UBN1: variants seen among roughly 807,000 people sequenced by gnomAD.
The protein encoded by UBN1 is ubinuclein 1.
A neutral mutation model predicts 108.5 loss-of-function variants in UBN1; 17 were observed. The observed-to-expected ratio is 0.16, with a 90% CI of 0.11 to 0.24. UBN1 has a LOEUF of 0.24. Ranked by LOEUF, UBN1 falls within the 10% of genes least tolerant of loss-of-function variation. The pLI is 1.00. For synonymous variants in UBN1, 726 were observed against 564.2 expected (o/e 1.29, Z -4.07); for missense variants, 1,595 against 1,394.4 (o/e 1.14, Z -2.29).
At chr16:4,866,662 A>T (rs536171371) in intron 7 of UBN1, among the ~76,000 whole-genome samples, 23 of 152,312 alleles carry the variant, frequency 1.5e-4, no homozygotes, top group African/African-American at 5.3e-4. Context: ...ACAGGCATGC[A>T]CCACCATGCC....
At position 4,870,308 on chromosome 16, in the gene UBN1, C is replaced by T. The variant is rs1303778040; in HGVS notation, c.1278C>T (p.Leu426=). ...SFLPCSKDAL[L]KRARKLHLYE... is the part of the protein sequence containing the mutation. The stretch of plus-strand genomic sequence containing the variant: ...TGCCCTGCAGCAAGGATGCCCTGCT[C>T]AAGCGTGCTCGGAAACTTCACCTCT... The change falls in exon 9 of 18, where the codon CTC becomes CTT. Residue 426 remains leucine (L), a synonymous_variant. Coordinates refer to ENST00000262376, the MANE Select transcript of UBN1 (RefSeq NM_001079514.3). 1.2e-6 allele frequency: 2 copies of T among 1,614,092 alleles called. No individual in the cohort carries two copies. Among genetic ancestry groups the T allele is most frequent in the East Asian group, 2.2e-5 (1 of 44,894 alleles).
At chr16:4,852,624 T>C (rs2086611641) in intron 1 of UBN1, 1 of 239,864 alleles carries the variant, frequency 4.2e-6, no homozygotes, top group African/African-American at 2.3e-5. Flanking sequence ...TCTGTCAGCA[T>C]GGGTTCTTTA....
intron 7 of UBN1, among the ~76,000 whole-genome samples, chr16:4,862,262 T>A (rs1367072431): frequency 6.6e-6 from 1 of 152,240 alleles, no homozygotes; most frequent in Non-Finnish European, 1.5e-5. Flanking sequence ...AATTGTCAGC[T>A]ACTGCTAAAA....
chr16:4,870,404 T>C, intron 9 of UBN1, 63 bp downstream of exon 9: 3 of 1,610,524 alleles, frequency 1.9e-6, no homozygotes, highest in Non-Finnish European at 8.5e-7. Flanking sequence ...GACTGAGTCT[T>C]AAGCAATGAT....
chr16:4,854,744 A>G (rs57908014), intron 2 of UBN1, among the ~76,000 whole-genome samples: 2,595 of 148,464 alleles, frequency 0.017, 66 homozygotes, highest in African/African-American at 0.06. Context: ...TTTTTTTGAG[A>G]CAGAGTCTCG....
chr16:4,874,187 A>G, intron 14 of UBN1, 24 bp from the exon 15 acceptor site: 2 of 1,524,824 alleles, frequency 1.3e-6, no homozygotes, highest in Non-Finnish European at 1.8e-6. Context: ...CTTTCTAAAC[A>G]TCAACATTTC....
chr16:4,868,733 A>G lies in UBN1; in HGVS notation c.1111-100A>G, dbSNP rs146131048. On this transcript the variant is annotated intron_variant, in intron 7 of 17. Transcript: ENST00000262376. ...AAGGTGGCGGTGTGACTGTATTGACAGGTGCTCTTTATGGAGCGATGACTC... is the reference window on the plus strand; with the variant it reads ...AAGGTGGCGGTGTGACTGTATTGACGGGTGCTCTTTATGGAGCGATGACTC... 713 of 1,149,626 alleles carry G rather than the reference A, an allele frequency of 6.2e-4. 3 individuals carry two copies. The African/African-American group carries it at 9.0e-3, about 14-fold the overall frequency. 71.2% of individuals were successfully genotyped at this position (1,149,626 alleles called of 1,614,324 possible).
chr16:4,865,222 C>G lies in UBN1; in HGVS notation c.1111-3611C>G, dbSNP rs768336923. The stretch of plus-strand genomic sequence containing the variant: ...TAGATTTACTTTAAAATGCCGCAGT[C>G]GACTCTTCAGTATAAAGCCAGACCC... On this transcript the variant is annotated intron_variant, in intron 7 of 17. Coordinates refer to ENST00000262376, the MANE Select transcript of UBN1 (RefSeq NM_001079514.3). Among the ~76,000 whole-genome samples the G allele has an allele frequency of 6.6e-5, 10 of 152,214 alleles. No homozygotes were observed. The Middle Eastern group carries it at 0.02, about 311-fold the overall frequency.
rs939586305 is a variant in UBN1, at chr16:4,880,861, A to G, written c.*729A>G. On this transcript the variant is annotated 3_prime_UTR_variant, in exon 18 of 18. Transcript: ENST00000262376. ...GACTGTTCTTCACACATCATATTATAGGAAGACATAATTCCAGTGCCTTTA... is the reference window on the plus strand; with the variant it reads ...GACTGTTCTTCACACATCATATTATGGGAAGACATAATTCCAGTGCCTTTA... 1.3e-5 allele frequency: 2 copies of G among 152,620 alleles called. No homozygotes were observed. Among genetic ancestry groups the G allele is most frequent in the South Asian group, 4.1e-4 (2 of 4,834 alleles). 9.5% of individuals were successfully genotyped at this position (152,620 alleles called of 1,614,324 possible).
rs776064050 is a variant in UBN1 at position 4,880,424 on chromosome 16, GCA to G, written c.*295_*296del. 18 of 376,302 alleles carry G rather than the reference GCA, an allele frequency of 4.8e-5. No homozygotes were observed. The highest frequency in any genetic ancestry group is 8.5e-5 in the Non-Finnish European group (17 of 199,150). 23.3% of individuals were successfully genotyped at this position (376,302 alleles called of 1,614,324 possible). A position where few individuals can be genotyped will look rare whatever the true frequency, so the allele number is the denominator to read the frequency against. ...GGCTTGCGCTGGGCCGTGGTGGGAGGCACAGTGTTTACAGGCTCTGGTGGCAG... is the reference window on the plus strand; with the variant it reads ...GGCTTGCGCTGGGCCGTGGTGGGAGGCAGTGTTTACAGGCTCTGGTGGCAG... On this transcript the variant is annotated 3_prime_UTR_variant, in exon 18 of 18. Transcript: ENST00000262376.
chr16:4,863,991 G>T (rs527989010), intron 7 of UBN1, among the ~76,000 whole-genome samples: 10 of 151,942 alleles, frequency 6.6e-5, no homozygotes, highest in Non-Finnish European at 1.3e-4. Flanking sequence ...CAGATCCAAG[G>T]ATTAGGGAGC....
Position 4,877,181 on chromosome 16 carries a change from G to A in UBN1, c.3265+70G>A. 6.5e-7 allele frequency: 1 copy of A among 1,537,318 alleles called. No homozygotes were observed. The highest frequency in any genetic ancestry group is 8.7e-7 in the Non-Finnish European group (1 of 1,146,486). The stretch of plus-strand genomic sequence containing the variant: ...TTGTGGCCAGGGGTCCTGCTGTTGT[G>A]TACTCTGGTTCCTGTGTTTGAGTCT... On this transcript the variant is annotated intron_variant, in intron 16 of 17. Transcript: ENST00000262376. This position sits in a 1 kb window ranked among gnomAD's most constrained non-coding sequence, Gnocchi z 4.3.
chr16:4,849,475 G>T (rs995096989), intron 1 of UBN1, among the ~76,000 whole-genome samples: 1 of 150,750 alleles, frequency 6.6e-6, no homozygotes, highest in African/African-American at 2.4e-5. Flanking sequence ...TTTAGAAGGA[G>T]ATATATATAT....
intron 8 of UBN1, among the ~76,000 whole-genome samples, chr16:4,869,304 C>T (rs563477239): frequency 4.7e-4 from 71 of 152,318 alleles, no homozygotes; most frequent in African/African-American, 1.3e-3. Flanking sequence ...TGTTGCTTGG[C>T]GTCCCTGGCT....
chr16:4,851,005 C>A (rs73517040), intron 1 of UBN1, among the ~76,000 whole-genome samples: 2,663 of 152,216 alleles, frequency 0.017, 71 homozygotes, highest in African/African-American at 0.06. Flanking sequence ...TCTCTAAATA[C>A]CGTATTAATA....
rs2086256800 is a variant in UBN1 at position 4,847,585 on chromosome 16, C to G, written c.-665C>G. 4 of 364,004 alleles carry G rather than the reference C, an allele frequency of 1.1e-5. No individual in the cohort carries two copies. Among genetic ancestry groups the G allele is most frequent in the Non-Finnish European group, 2.0e-5 (4 of 201,400 alleles). 22.5% of individuals were successfully genotyped at this position (364,004 alleles called of 1,614,324 possible). On this transcript the variant is annotated 5_prime_UTR_variant, in exon 1 of 18. Transcript: ENST00000262376. ...GCTGAGCGCGAGAGGGAGCCGGCCT[C>G]GCGGCTCGCCCCGCCCCCGGGTCTT...
At chr16:4,874,025 G>T (rs1461877452) in intron 14 of UBN1, among the ~76,000 whole-genome samples, 186 bp from the exon 15 acceptor site, 3 of 152,158 alleles carry the variant, frequency 2.0e-5, no homozygotes, top group Admixed American at 6.5e-5. Context: ...ACTCACCAGG[G>T]GTGATGAAGT....
chr16:4,875,669 G>T lies in UBN1; in HGVS notation c.3024+235G>T, dbSNP rs1178267703. Among the ~76,000 whole-genome samples the T allele has an allele frequency of 2.0e-5, 3 of 152,184 alleles. No individual in the cohort carries two copies. In the East Asian group the frequency reaches 5.8e-4, roughly 29 times the overall value. On this transcript the variant is annotated intron_variant, in intron 15 of 17. Transcript: ENST00000262376. Reference sequence around the variant, plus strand: ...CTGAGGAGGGCAGAGGGACCTAAAGGATGGCCAGCACCAAGCACCATGCCT... The same window carrying T: ...CTGAGGAGGGCAGAGGGACCTAAAGTATGGCCAGCACCAAGCACCATGCCT...
rs748484844 is a variant in UBN1, at chr16:4,861,024, C to T, written c.1032C>T (p.Asp344=). ...DGSDSLGVGL[D]QEFRQPSSLP... Reference sequence around the variant, plus strand: ...GTGATTCCCTTGGGGTGGGATTGGACCAGGAATTCAGGCAGCCCTCTTCTC... The same window carrying T: ...GTGATTCCCTTGGGGTGGGATTGGATCAGGAATTCAGGCAGCCCTCTTCTC... The change falls in exon 7 of 18, where the codon GAC becomes GAT. Residue 344 remains aspartate, a synonymous_variant. Transcript: ENST00000262376. 44 of 1,614,050 alleles carry T rather than the reference C, an allele frequency of 2.7e-5. No homozygotes were observed. The highest frequency in any genetic ancestry group is 3.6e-5 in the Non-Finnish European group (43 of 1,180,050).
Sources: allele counts gnomAD v4.1 joint callset (sites outside exome capture counted in the v4.1 genomes callset), GRCh38; gene constraint gnomAD v4.1.1; non-coding constraint Gnocchi (gnomAD v3.1); transcripts MANE v1.5; gene names NCBI Gene and HGNC (gene_info 2026-07-23, HGNC 2026-07-21).